Variants in ADCY2 observed in about 807,000 individuals in gnomAD.
ADCY2 encodes the protein adenylate cyclase 2.
A neutral mutation model predicts 125.2 loss-of-function variants in ADCY2; 31 were observed. That is an observed-to-expected ratio of 0.25 (90% CI 0.19 to 0.33). ADCY2 has a LOEUF of 0.33. ADCY2 is among the 10% of genes least tolerant of loss of function. The probability of loss-of-function intolerance (pLI) is 1.00; values close to 1 mark genes in which losing one functional copy is unlikely to be tolerated. For synonymous variants in ADCY2, 512 were observed against 548.4 expected, an observed-to-expected ratio of 0.93 and a Z score of 0.93; for missense variants, 904 against 1,418.2, an observed-to-expected ratio of 0.64 and a Z score of 5.82.
chr5:7,819,115 T>G (rs375960978), intron 23 of ADCY2, among the ~76,000 whole-genome samples: 3 of 152,188 alleles, frequency 2.0e-5, no homozygotes, highest in South Asian at 2.1e-4. Flanking sequence ...GTCTAATCTC[T>G]CCACGTTCTT....
At chr5:7,746,023 C>G (rs546404680) in intron 15 of ADCY2, among the ~76,000 whole-genome samples, 1 of 152,338 alleles carries the variant, frequency 6.6e-6, no homozygotes, top group Admixed American at 6.5e-5. Flanking sequence ...CTCATAGCTC[C>G]TCCTGTGGCC....
intron 2 of ADCY2, among the ~76,000 whole-genome samples, chr5:7,435,225 A>G (rs1278154939): frequency 6.6e-6 from 1 of 152,206 alleles, no homozygotes; most frequent in African/African-American, 2.4e-5. Context: ...CAACATTCTC[A>G]AGTGAACTGA....
At chr5:7,416,919 CTCT>C (rs1405779194) in intron 2 of ADCY2, among the ~76,000 whole-genome samples, 1 of 152,124 alleles carries the variant, frequency 6.6e-6, no homozygotes, top group African/African-American at 2.4e-5. Flanking sequence ...GGCCAAGTAC[CTCT>C]TCTTGTTCAG....
intron 3 of ADCY2, among the ~76,000 whole-genome samples, chr5:7,596,515 T>G (rs1579613076): frequency 6.6e-6 from 1 of 152,342 alleles, no homozygotes; most frequent in Non-Finnish European, 1.5e-5. Flanking sequence ...ATTAAGAGTG[T>G]AATTCCCTCA....
chr5:7,711,512 G>A (rs765112712), intron 10 of ADCY2, among the ~76,000 whole-genome samples: 6 of 152,164 alleles, frequency 3.9e-5, no homozygotes, highest in East Asian at 3.9e-4. Context: ...GTGTTCCTGT[G>A]GGGAAAAGGC....
chr5:7,646,815 A>C (rs1177672818), intron 4 of ADCY2, among the ~76,000 whole-genome samples: 1 of 152,226 alleles, frequency 6.6e-6, no homozygotes, highest in Non-Finnish European at 1.5e-5. Context: ...CCATATTGTT[A>C]TATTATCACC....
intron 2 of ADCY2, among the ~76,000 whole-genome samples, chr5:7,500,390 A>G (rs548118424): frequency 9.2e-5 from 14 of 152,230 alleles, no homozygotes; most frequent in Non-Finnish European, 5.9e-5. Flanking sequence ...CAAAGAGTAC[A>G]GTGGAAAGTG....
intron 4 of ADCY2, among the ~76,000 whole-genome samples, chr5:7,663,083 T>C (rs1251056737): frequency 6.6e-6 from 1 of 152,254 alleles, no homozygotes; most frequent in Non-Finnish European, 1.5e-5. Context: ...AATCCAGCAG[T>C]CCAGATCAAC....
intron 14 of ADCY2, among the ~76,000 whole-genome samples, chr5:7,735,385 C>T (rs1742219075): frequency 6.6e-6 from 1 of 152,200 alleles, no homozygotes; most frequent in Non-Finnish European, 1.5e-5. Context: ...GTAGCCACAG[C>T]ACACATCCTT....
At chr5:7,745,328 G>C (rs920236352) in intron 15 of ADCY2, among the ~76,000 whole-genome samples, 3 of 152,170 alleles carry the variant, frequency 2.0e-5, no homozygotes, top group African/African-American at 7.2e-5. Context: ...TTATACCTTT[G>C]CAAACTTGTG....
At chr5:7,678,180 C>G (rs1366413) in intron 4 of ADCY2, among the ~76,000 whole-genome samples, 113,376 of 152,110 alleles carry the variant, frequency 0.75, 43,697 homozygotes, top group East Asian at 0.85. Flanking sequence ...AGAAAACTTG[C>G]CTTCTTTTCA....
chr5:7,780,240 C>T (rs902846095), intron 18 of ADCY2, among the ~76,000 whole-genome samples: 8 of 152,206 alleles, frequency 5.3e-5, no homozygotes, highest in African/African-American at 9.6e-5. Context: ...TCTTGTTTTA[C>T]GCAGGACAAT....
chr5:7,483,718 T>C (rs1384571127), intron 2 of ADCY2, among the ~76,000 whole-genome samples: 2 of 152,164 alleles, frequency 1.3e-5, no homozygotes, highest in African/African-American at 4.8e-5. Flanking sequence ...GTCCACAGTC[T>C]CAGGCACTCC....
At chr5:7,717,753 A>G (rs1414181512) in intron 12 of ADCY2, among the ~76,000 whole-genome samples, 3 of 152,208 alleles carry the variant, frequency 2.0e-5, no homozygotes, top group Non-Finnish European at 4.4e-5. Flanking sequence ...TAAATGGTCC[A>G]GAGTTGTGGG....
intron 20 of ADCY2, chr5:7,801,721 T>C (rs1199369528): frequency 6.5e-6 from 1 of 153,898 alleles, no homozygotes; most frequent in Non-Finnish European, 1.4e-5. Context: ...TATAAATAAG[T>C]AGACTGAGGA....
At chr5:7,722,228 G>C (rs929574099) in intron 12 of ADCY2, among the ~76,000 whole-genome samples, 1 of 152,162 alleles carries the variant, frequency 6.6e-6, no homozygotes, top group South Asian at 2.1e-4. Context: ...AAGGAAGCCT[G>C]ATCCTGAGCC....
chr5:7,409,369 C>A (rs1579413557), intron 1 of ADCY2, among the ~76,000 whole-genome samples: 1 of 152,150 alleles, frequency 6.6e-6, no homozygotes, highest in Non-Finnish European at 1.5e-5. Flanking sequence ...TGCACAATTA[C>A]CCCTGAACTT....
chr5:7,774,661 G>T (rs1432285366), intron 18 of ADCY2, among the ~76,000 whole-genome samples: 1 of 152,098 alleles, frequency 6.6e-6, no homozygotes, highest in Admixed American at 6.5e-5. Context: ...TTGAAGAAAA[G>T]GAGTTTTGCC....
chr5:7,821,029 G>A (rs1188189860), intron 24 of ADCY2, among the ~76,000 whole-genome samples: 4 of 152,164 alleles, frequency 2.6e-5, no homozygotes, highest in African/African-American at 7.2e-5. Context: ...CTTTGCAAAC[G>A]AGAGGGATCA....
Sources: allele counts gnomAD v4.1 joint callset (sites outside exome capture counted in the v4.1 genomes callset), GRCh38; gene constraint gnomAD v4.1.1; transcripts MANE v1.5; gene names NCBI Gene and HGNC (gene_info 2026-07-23, HGNC 2026-07-21).